The following EDA variants were observed in gnomAD, a reference collection of about 807,000 sequenced individuals.
EDA encodes the protein ectodysplasin A.
EDA carries 2 observed loss-of-function variants against 23.6 expected under a neutral mutation model. The observed-to-expected ratio is 0.08, with a 90% confidence interval of 0.03 to 0.27. The LOEUF (loss-of-function observed/expected upper bound fraction) is 0.27. EDA is among the 10% of genes least tolerant of loss of function. The probability of loss-of-function intolerance (pLI) is 1.00; values close to 1 mark genes in which losing one functional copy is unlikely to be tolerated. For missense variants in EDA, 229 were observed against 324.2 expected (o/e 0.71, Z 2.26); for synonymous variants, 131 against 132.0 (o/e 0.99, Z 0.05).
intron 1 of EDA, among the ~76,000 whole-genome samples, chrX:69,949,545 C>T (rs1023690032): frequency 5.4e-5 from 6 of 111,378 alleles, no homozygotes; most frequent in African/African-American, 2.0e-4. Context: ...GTTTGAGAAC[C>T]ACTGACCTAT....
chrX:70,032,018 GGAGGCCGAGGCTGGCGGATCACAT>G (rs1204044299), intron 6 of EDA, among the ~76,000 whole-genome samples: 2 of 111,535 alleles, frequency 1.8e-5, no homozygotes, highest in Non-Finnish European at 3.8e-5. Context: ...CAGCACTTTG[GGAGGCCGAGGCTGGCGGATCACAT>G]GAGGCCAAAA....
chrX:69,734,999 G>A (rs1466681802), intron 1 of EDA, among the ~76,000 whole-genome samples: 1 of 111,339 alleles, frequency 9.0e-6, no homozygotes, highest in Non-Finnish European at 1.9e-5. Flanking sequence ...GCTACCCTAT[G>A]ATCCAGCAAT....
At chrX:69,762,850 T>C (rs982903080) in intron 1 of EDA, among the ~76,000 whole-genome samples, 1 of 111,848 alleles carries the variant, frequency 8.9e-6, no homozygotes, top group African/African-American at 3.3e-5. Context: ...CTAGGAAAGA[T>C]TGTATCCTTC....
At chrX:69,987,455 A>G (rs745710412) in intron 2 of EDA, among the ~76,000 whole-genome samples, 2 of 109,806 alleles carry the variant, frequency 1.8e-5, no homozygotes, top group South Asian at 7.9e-4. Flanking sequence ...TGGTGGGAAG[A>G]AAAATGAAGA....
intron 2 of EDA, among the ~76,000 whole-genome samples, chrX:69,997,904 C>T (rs1291056279): frequency 5.3e-5 from 6 of 112,494 alleles, no homozygotes; most frequent in Non-Finnish European, 7.5e-5. Context: ...TAGGAACCTC[C>T]GCCTAGATTT....
chrX:69,646,790 T>C (rs1196530697), intron 1 of EDA, among the ~76,000 whole-genome samples: 2 of 112,197 alleles, frequency 1.8e-5, no homozygotes, highest in Non-Finnish European at 3.8e-5. Flanking sequence ...CTTCATAGTG[T>C]CACTGGTTTG....
At chrX:69,788,026 C>T (rs1268578420) in intron 1 of EDA, among the ~76,000 whole-genome samples, 1 of 111,271 alleles carries the variant, frequency 9.0e-6, no homozygotes, top group Non-Finnish European at 1.9e-5. Context: ...TCCCTTCTCG[C>T]TTCATTTCAT....
chrX:69,863,815 C>T (rs2017441001), intron 1 of EDA, among the ~76,000 whole-genome samples: 2 of 108,444 alleles, frequency 1.8e-5, no homozygotes, highest in Non-Finnish European at 3.8e-5. Context: ...AAATATTGCA[C>T]CATTTTGTAT....
intron 2 of EDA, among the ~76,000 whole-genome samples, chrX:69,999,176 G>C (rs1341998045): frequency 8.9e-6 from 1 of 111,968 alleles, no homozygotes; most frequent in African/African-American, 3.2e-5. Context: ...TGAGTGGACT[G>C]AGAAAAATAA....
chrX:69,761,802 C>G (rs1202797524), intron 1 of EDA, among the ~76,000 whole-genome samples: 1 of 111,744 alleles, frequency 8.9e-6, no homozygotes, highest in Non-Finnish European at 1.9e-5. Flanking sequence ...TCAGCTGTTA[C>G]TACTTGATGC....
intron 1 of EDA, among the ~76,000 whole-genome samples, chrX:69,786,206 G>A (rs899466827): frequency 6.3e-5 from 7 of 110,749 alleles, no homozygotes; most frequent in East Asian, 2.8e-4. Flanking sequence ...TCTTGCTAGC[G>A]GTCTATCAAT....
rs895585992 is a variant in EDA, at chrX:69,840,090, G to A, written c.397-116937G>A. Among the ~76,000 whole-genome samples, 20 of 111,389 alleles carry A rather than the reference G, an allele frequency of 1.8e-4. 1 individual carries two copies. Among genetic ancestry groups the A allele is most frequent in the African/African-American group, 6.2e-4 (19 of 30,641 alleles). On this transcript the variant is annotated intron_variant, in intron 1 of 7. Transcript: ENST00000374552. ...GACTCTCATCTGGTGCTATGCTCCT[G>A]TGAATTCAACTGCACTCCAGCCACA...
At chrX:69,813,741 G>C (rs1157505125) in intron 1 of EDA, among the ~76,000 whole-genome samples, 1 of 110,680 alleles carries the variant, frequency 9.0e-6, no homozygotes, top group Non-Finnish European at 1.9e-5. Flanking sequence ...CTAATTTGCA[G>C]TGGCATACCC....
intron 1 of EDA, among the ~76,000 whole-genome samples, chrX:69,637,972 C>T (rs772995006): frequency 9.0e-6 from 1 of 110,819 alleles, no homozygotes; most frequent in South Asian, 3.9e-4. Context: ...AGTGTAAATG[C>T]CTAGAGAGCC....
At chrX:69,668,214 C>A (rs1470224597) in intron 1 of EDA, among the ~76,000 whole-genome samples, 1 of 111,634 alleles carries the variant, frequency 9.0e-6, no homozygotes, top group South Asian at 3.7e-4. Context: ...TTCAAATTGC[C>A]CTTTTGATTT....
intron 1 of EDA, among the ~76,000 whole-genome samples, chrX:69,692,249 T>C (rs1321953105): frequency 9.0e-6 from 1 of 111,595 alleles, no homozygotes; most frequent in East Asian, 2.8e-4. Flanking sequence ...GTGGGAATAA[T>C]TGAATTGACA....
At chrX:69,785,563 G>C (rs1014765166) in intron 1 of EDA, among the ~76,000 whole-genome samples, 3 of 110,749 alleles carry the variant, frequency 2.7e-5, no homozygotes, top group Non-Finnish European at 3.8e-5. Flanking sequence ...TGTGGTTTTT[G>C]TCTTTGGTTC....
chrX:69,836,998 T>G (rs937596859), intron 1 of EDA, among the ~76,000 whole-genome samples: 1 of 112,471 alleles, frequency 8.9e-6, no homozygotes, highest in African/African-American at 3.2e-5. Flanking sequence ...AGCTATTCTG[T>G]TTTTTAAATT....
At chrX:69,958,517 C>CAAA (rs34031076) in intron 2 of EDA, among the ~76,000 whole-genome samples, 1 of 87,246 alleles carries the variant, frequency 1.1e-5, no homozygotes, top group East Asian at 4.1e-4. Flanking sequence ...ATAATAATAC[C>CAAA]AAAAAAAAAA....
Sources: gnomAD v4.1 joint callset for allele counts (sites outside exome capture counted in the v4.1 genomes callset) on GRCh38, gnomAD v4.1.1 for gene constraint, MANE v1.5 for transcripts, NCBI Gene and HGNC (gene_info 2026-07-23, HGNC 2026-07-21) for gene names.